The following PAIP2 variants were observed in gnomAD, a reference collection of about 807,000 sequenced individuals.
The protein encoded by PAIP2 is polyadenylate-binding protein-interacting protein 2.
In PAIP2, 7 loss-of-function variants were observed where a neutral mutation model predicts 14.8. The observed-to-expected ratio is 0.47, with a 90% confidence interval of 0.27 to 0.89. PAIP2 has a LOEUF of 0.89. PAIP2 is among the 40% of genes least tolerant of loss of function. The probability of loss-of-function intolerance (pLI) is 0.13; values close to 1 mark genes in which losing one functional copy is unlikely to be tolerated. For synonymous variants in PAIP2, 47 were observed against 45.3 expected (o/e 1.04, Z -0.15); for missense variants, 122 against 154.7 (o/e 0.79, Z 1.12).
At chr5:139,350,477 A>G (rs1354381341) in intron 1 of PAIP2, among the ~76,000 whole-genome samples, 1 of 151,858 alleles carries the variant, frequency 6.6e-6, no homozygotes, top group Non-Finnish European at 1.5e-5. Flanking sequence ...CTAAAAATGC[A>G]AAAATTAGTG....
chr5:139,356,935 A>G (rs959704436), intron 1 of PAIP2, among the ~76,000 whole-genome samples: 4 of 151,714 alleles, frequency 2.6e-5, no homozygotes, highest in Admixed American at 6.6e-5. Context: ...TAATGTGGCA[A>G]TTCTGGAAAT....
chr5:139,355,087 A>G (rs1021670267), intron 1 of PAIP2, among the ~76,000 whole-genome samples: 1 of 150,698 alleles, frequency 6.6e-6, no homozygotes, highest in African/African-American at 2.4e-5. Flanking sequence ...CAAAGTCCCA[A>G]AGTGCTGGGA....
At chr5:139,359,989 TGTA>T (rs1561962443) in intron 1 of PAIP2, among the ~76,000 whole-genome samples, 1 of 152,086 alleles carries the variant, frequency 6.6e-6, no homozygotes, top group East Asian at 1.9e-4. Flanking sequence ...TTTTTTGAGA[TGTA>T]GTCGCGCTCT....
intron 1 of PAIP2, among the ~76,000 whole-genome samples, chr5:139,361,641 T>G (rs2152053311): frequency 6.6e-6 from 1 of 152,210 alleles, no homozygotes; most frequent in East Asian, 1.9e-4. Flanking sequence ...GATACTACTT[T>G]TACTCAGGTG....
intron 1 of PAIP2, among the ~76,000 whole-genome samples, chr5:139,350,131 C>T (rs756029346): frequency 5.3e-5 from 8 of 149,716 alleles, no homozygotes; most frequent in Non-Finnish European, 8.9e-5. Flanking sequence ...GCTGAGATCG[C>T]GCCACTGCAC....
intron 1 of PAIP2, among the ~76,000 whole-genome samples, chr5:139,347,686 T>C (rs893107644): frequency 6.6e-6 from 1 of 152,076 alleles, no homozygotes; most frequent in African/African-American, 2.4e-5. Flanking sequence ...GGCACATGTA[T>C]ACATATGTAA....
At chr5:139,352,493 T>TTTG in intron 1 of PAIP2, among the ~76,000 whole-genome samples, 1 of 93,518 alleles carries the variant, frequency 1.1e-5, no homozygotes, top group African/African-American at 2.8e-5. Flanking sequence ...TGCCAGTTTT[T>TTTG]TTTTTGTTGT....
intron 1 of PAIP2, among the ~76,000 whole-genome samples, chr5:139,348,416 G>A (rs1350314786): frequency 4.0e-5 from 6 of 151,216 alleles, no homozygotes; most frequent in African/African-American, 1.5e-4. Flanking sequence ...GTGCAGTGGC[G>A]TAGTCTCAGC....
chr5:139,360,711 T>C (rs1370841902), intron 1 of PAIP2, among the ~76,000 whole-genome samples: 3 of 150,648 alleles, frequency 2.0e-5, no homozygotes, highest in Non-Finnish European at 4.4e-5. Context: ...GATCCACCCC[T>C]GTTGACCTCC....
intron 1 of PAIP2, among the ~76,000 whole-genome samples, chr5:139,357,508 G>A (rs1466527199): frequency 1.3e-5 from 2 of 152,162 alleles, no homozygotes; most frequent in Non-Finnish European, 2.9e-5. Context: ...CAGGGAGCCA[G>A]GTCAAAACAA....
intron 1 of PAIP2, among the ~76,000 whole-genome samples, chr5:139,347,377 G>T (rs191425499): frequency 6.7e-6 from 1 of 148,816 alleles, no homozygotes; most frequent in African/African-American, 2.5e-5. Flanking sequence ...GAGTTCAAGC[G>T]ATTCTCCTGC....
At chr5:139,352,876 G>A (rs1286878218) in intron 1 of PAIP2, among the ~76,000 whole-genome samples, 1 of 151,656 alleles carries the variant, frequency 6.6e-6, no homozygotes, top group Non-Finnish European at 1.5e-5. Context: ...AGCACTTTGG[G>A]AGGCCAAAGT....
chr5:139,348,455 C>T (rs563211962), intron 1 of PAIP2, among the ~76,000 whole-genome samples: 3 of 151,050 alleles, frequency 2.0e-5, no homozygotes, highest in Admixed American at 6.6e-5. Context: ...CCCGGGTTCA[C>T]GCCAATTTCC....
chr5:139,363,709 A>G (rs1757138440), intron 1 of PAIP2, 50 bp from the exon 2 acceptor site: 3 of 1,539,940 alleles, frequency 1.9e-6, no homozygotes, highest in Non-Finnish European at 2.7e-6. Context: ...TCTCAGAAAG[A>G]AAAAACCCTG....
chr5:139,354,628 C>A (rs1472107593), intron 1 of PAIP2, among the ~76,000 whole-genome samples: 1 of 151,978 alleles, frequency 6.6e-6, no homozygotes, highest in African/African-American at 2.4e-5. Context: ...TCTGGTAATT[C>A]CATTGTATAT....
At chr5:139,348,637 G>T (rs548586384) in intron 1 of PAIP2, among the ~76,000 whole-genome samples, 1 of 151,452 alleles carries the variant, frequency 6.6e-6, no homozygotes, top group Non-Finnish European at 1.5e-5. Context: ...GATTACAGGC[G>T]TGAGCCACTG....
intron 1 of PAIP2, among the ~76,000 whole-genome samples, chr5:139,350,549 T>TG (rs1268579326): frequency 1.3e-5 from 2 of 151,582 alleles, no homozygotes; most frequent in Non-Finnish European, 2.9e-5. Flanking sequence ...GAAAAGCACT[T>TG]AAACTCAGGA....
chr5:139,355,166 CTTT>C (rs758442291), intron 1 of PAIP2, among the ~76,000 whole-genome samples: 8 of 118,734 alleles, frequency 6.7e-5, no homozygotes, highest in Admixed American at 3.8e-4. Context: ...TTGTCTCTCT[CTTT>C]TTTTTTTTTT....
Position 139,349,609 on chromosome 5 carries a change from G to A in PAIP2, c.-27+7629G>A, listed in dbSNP as rs568252672. On this transcript the variant is annotated intron_variant, in intron 1 of 3. Coordinates refer to ENST00000265192, the MANE Select transcript of PAIP2 (RefSeq NM_016480.5). ...AGTTATTAAGTGTAGGAAAATAAAC[G>A]CTATAGAAAAGAAATAGTTAATAGA... is the stretch of plus-strand genomic sequence containing the variant. 4.6e-5 allele frequency among the ~76,000 whole-genome samples: 7 copies of A among 152,152 alleles called. No individual in the cohort carries two copies. The East Asian group carries it at 5.8e-4, about 13-fold the overall frequency.
Sources: allele counts gnomAD v4.1 joint callset (sites outside exome capture counted in the v4.1 genomes callset), GRCh38; gene constraint gnomAD v4.1.1; transcripts MANE v1.5; gene names NCBI Gene and HGNC (gene_info 2026-07-23, HGNC 2026-07-21).